The following SLC17A5 variants were observed in gnomAD, a reference collection of about 807,000 sequenced individuals.
SLC17A5 encodes sialin.
In SLC17A5, 47 loss-of-function variants were observed where a neutral mutation model predicts 59.4. The observed-to-expected ratio is 0.79, with a 90% CI of 0.63 to 1.01. SLC17A5 has a LOEUF of 1.01. SLC17A5 is among the 50% of genes least tolerant of loss of function. SLC17A5 has a pLI of 0.00. For missense variants in SLC17A5, 522 were observed against 595.5 expected (o/e 0.88, Z 1.28); for synonymous variants, 202 against 210.7 (o/e 0.96, Z 0.36).
At chr6:73,612,597 T>G (rs1447488844) in intron 8 of SLC17A5, among the ~76,000 whole-genome samples, 2 of 152,186 alleles carry the variant, frequency 1.3e-5, no homozygotes, top group Non-Finnish European at 2.9e-5. Context: ...TTTTTAGAGA[T>G]AGGGTATTGC....
At chr6:73,622,251 G>C (rs1768186215) in intron 6 of SLC17A5, among the ~76,000 whole-genome samples, 1 of 151,682 alleles carries the variant, frequency 6.6e-6, no homozygotes, top group Non-Finnish European at 1.5e-5. Context: ...CATTCTTTAT[G>C]AATGTCAGAA....
At chr6:73,603,589 T>A (rs1767259221) in intron 9 of SLC17A5, among the ~76,000 whole-genome samples, 1 of 151,644 alleles carries the variant, frequency 6.6e-6, no homozygotes, top group African/African-American at 2.4e-5. Flanking sequence ...CCTGGGTAAT[T>A]TTGTATTTTT....
chr6:73,626,971 T>C (rs191608741), intron 6 of SLC17A5, among the ~76,000 whole-genome samples: 1 of 152,150 alleles, frequency 6.6e-6, no homozygotes, highest in African/African-American at 2.4e-5. Flanking sequence ...GGGGTTTCAC[T>C]AAGTTGACCA....
Position 73,638,519 on chromosome 6 carries a change from T to C in SLC17A5, c.526-20A>G. The C allele has an allele frequency of 6.3e-7, 1 of 1,575,472 alleles. No homozygotes were observed. On this transcript the variant is annotated intron_variant, in intron 3 of 10. Transcript: ENST00000355773. ...AACACCCTGAGAGAAGGGAACATGA[T>C]ATTTCTGATGAAATGTAAGGTAGTT...
rs1767589044 is a variant in SLC17A5, at chr6:73,610,361, T to G, written c.1259+39A>C. 6.2e-6 allele frequency: 10 copies of G among 1,609,568 alleles called. No homozygotes were observed. In the East Asian group the frequency reaches 2.0e-4, roughly 32 times the overall value. On this transcript the variant is annotated intron_variant, in intron 9 of 10. Transcript: ENST00000355773. ...TTATCAGGATTTTTAAAAATATAAT[T>G]TAAAGTCAATCACAGCAAATCTTTA...
chr6:73,645,870 C>T (rs1769535164), intron 1 of SLC17A5, among the ~76,000 whole-genome samples: 1 of 150,858 alleles, frequency 6.6e-6, no homozygotes, highest in Non-Finnish European at 1.5e-5. Context: ...AGGAGTTTGA[C>T]CTATTTATTA....
intron 9 of SLC17A5, among the ~76,000 whole-genome samples, chr6:73,609,362 C>T (rs1431965745): frequency 6.6e-6 from 1 of 152,118 alleles, no homozygotes; most frequent in East Asian, 1.9e-4. Context: ...ATTATATTAG[C>T]TGTGTGCTGC....
chr6:73,597,773 C>A (rs537595015), intron 10 of SLC17A5, among the ~76,000 whole-genome samples: 3 of 152,028 alleles, frequency 2.0e-5, no homozygotes, highest in East Asian at 3.9e-4. Context: ...GCGATGGAGA[C>A]CCTGTCTCAA....
Position 73,636,710 on chromosome 6 carries a change from A to T in SLC17A5, c.614-3T>A. ...AATTACTGTCCCAAGCTGTGCTCCT[A>T]GAACAACACATAAGACTATTTTATA... On this transcript the variant is annotated splice_region_variant and splice_polypyrimidine_tract_variant and intron_variant, in intron 4 of 10. Transcript: ENST00000355773. 1 of 1,592,792 alleles carries T rather than the reference A, an allele frequency of 6.3e-7. No individual in the cohort carries two copies. The highest frequency in any genetic ancestry group is 1.1e-5 in the South Asian group (1 of 90,620).
intron 9 of SLC17A5, among the ~76,000 whole-genome samples, chr6:73,607,162 T>C (rs1432972023): frequency 6.6e-6 from 1 of 152,256 alleles, no homozygotes; most frequent in Non-Finnish European, 1.5e-5. Context: ...TATTGCATTA[T>C]GAGCAAAGTG....
At chr6:73,632,347 C>A (rs1354459643) in intron 6 of SLC17A5, among the ~76,000 whole-genome samples, 1 of 145,788 alleles carries the variant, frequency 6.9e-6, no homozygotes, top group African/African-American at 2.5e-5. Context: ...TCCTAACTCT[C>A]TTGCCTCTGA....
At chr6:73,622,001 T>C in intron 6 of SLC17A5, 39 bp from the exon 7 acceptor site, 2 of 1,592,552 alleles carry the variant, frequency 1.3e-6, no homozygotes, top group Non-Finnish European at 1.7e-6. Flanking sequence ...ACTACGGCTA[T>C]GTTAATGCTT....
intron 10 of SLC17A5, among the ~76,000 whole-genome samples, chr6:73,599,037 C>T (rs907108378): frequency 3.3e-5 from 5 of 151,406 alleles, no homozygotes; most frequent in Non-Finnish European, 7.4e-5. Context: ...CAAAAATTAG[C>T]AGGGCATGGT....
At chr6:73,644,930 T>C (rs1368111454) in intron 1 of SLC17A5, among the ~76,000 whole-genome samples, 1 of 152,224 alleles carries the variant, frequency 6.6e-6, no homozygotes, top group African/African-American at 2.4e-5. Flanking sequence ...CTCATATCTG[T>C]AGTTTTGGTA....
chr6:73,611,014 G>A (rs9446937), intron 8 of SLC17A5, among the ~76,000 whole-genome samples: 3,921 of 152,206 alleles, frequency 0.026, 155 homozygotes, highest in African/African-American at 0.089. Context: ...AGGCTGAGGC[G>A]GGAGAATCAC....
intron 4 of SLC17A5, 71 bp downstream of exon 4, chr6:73,638,341 G>T: frequency 1.9e-6 from 2 of 1,069,058 alleles, no homozygotes; most frequent in Non-Finnish European, 2.9e-6. Context: ...GTTCTGGTAT[G>T]CAGGCCCTTT....
At chr6:73,622,584 C>G (rs1768202912) in intron 6 of SLC17A5, among the ~76,000 whole-genome samples, 1 of 152,148 alleles carries the variant, frequency 6.6e-6, no homozygotes, top group African/African-American at 2.4e-5. Context: ...GCCACCGTGC[C>G]CGGCCTGAAT....
intron 4 of SLC17A5, among the ~76,000 whole-genome samples, chr6:73,637,540 C>A (rs922705771): frequency 4.6e-5 from 7 of 152,184 alleles, no homozygotes; most frequent in Non-Finnish European, 8.8e-5. Context: ...GCCTGTAAGA[C>A]CTGATATAAC....
intron 9 of SLC17A5, among the ~76,000 whole-genome samples, chr6:73,605,720 G>A (rs1237861099): frequency 6.6e-6 from 1 of 151,898 alleles, no homozygotes; most frequent in Non-Finnish European, 1.5e-5. Context: ...GCTCACGCCT[G>A]TAATCCTAGC....
Sources: gnomAD v4.1 joint callset for allele counts (sites outside exome capture counted in the v4.1 genomes callset) on GRCh38, gnomAD v4.1.1 for gene constraint, MANE v1.5 for transcripts, NCBI Gene and HGNC (gene_info 2026-07-23, HGNC 2026-07-21) for gene names.